RBFOX1: variants seen among roughly 807,000 people sequenced by gnomAD.
RBFOX1 encodes RNA binding protein fox-1 homolog 1.
Under a neutral mutation model 57.7 loss-of-function variants are expected in RBFOX1, and 8 were observed. The ratio of observed to expected loss-of-function variants is 0.14; its 90% CI spans 0.08 to 0.25. The LOEUF (loss-of-function observed/expected upper bound fraction) is 0.25. Among genes scored for constraint, RBFOX1 ranks in the 10% least tolerant of loss-of-function variants. The pLI, the probability that RBFOX1 is intolerant of heterozygous loss-of-function variation, is 1.00. For synonymous variants in RBFOX1, 326 were observed against 222.4 expected, an observed-to-expected ratio of 1.47 and a Z score of -4.15; for missense variants, 611 against 548.5, an observed-to-expected ratio of 1.11 and a Z score of -1.14.
chr16:5,796,421 T>C (rs2054880837), intron 3 of RBFOX1, among the ~76,000 whole-genome samples: 1 of 152,200 alleles, frequency 6.6e-6, no homozygotes, highest in Admixed American at 6.5e-5. Context: ...GTTTGTGATA[T>C]GATCAGTGGC....
At chr16:7,576,431 C>G (rs1477537531) in intron 5 of RBFOX1, among the ~76,000 whole-genome samples, 2 of 152,156 alleles carry the variant, frequency 1.3e-5, no homozygotes, top group Non-Finnish European at 1.5e-5. Context: ...CCTCTACTTC[C>G]TAACACTCTT....
chr16:5,575,669 G>C (rs2046427565), intron 2 of RBFOX1, among the ~76,000 whole-genome samples: 1 of 152,198 alleles, frequency 6.6e-6, no homozygotes, highest in Non-Finnish European at 1.5e-5. Flanking sequence ...TACATTGTGT[G>C]GAGTGTGGAC....
chr16:6,070,361 G>A (rs973718832), intron 1 of RBFOX1, among the ~76,000 whole-genome samples: 1 of 152,172 alleles, frequency 6.6e-6, no homozygotes, highest in Non-Finnish European at 1.5e-5. Context: ...TCCAGTGAGT[G>A]CCTGCATTAT....
At chr16:7,660,688 A>G (rs139163070) in intron 12 of RBFOX1, among the ~76,000 whole-genome samples, 7 of 152,326 alleles carry the variant, frequency 4.6e-5, no homozygotes, top group African/African-American at 9.6e-5. Flanking sequence ...CCTGGGACCA[A>G]TAGCATCCGC....
At chr16:6,456,239 T>C (rs1005191692) in intron 2 of RBFOX1, among the ~76,000 whole-genome samples, 1 of 152,146 alleles carries the variant, frequency 6.6e-6, no homozygotes, top group African/African-American at 2.4e-5. Context: ...GAATTGTGTA[T>C]TTTTAGAAAA....
At chr16:5,360,388 C>G (rs17137899) in intron 1 of RBFOX1, among the ~76,000 whole-genome samples, 25,797 of 152,204 alleles carry the variant, frequency 0.17, 2,520 homozygotes, top group South Asian at 0.21. Context: ...TCTTGAAACT[C>G]AATGTGCACG....
chr16:5,347,266 G>A (rs1475808485), intron 1 of RBFOX1, among the ~76,000 whole-genome samples: 1 of 151,982 alleles, frequency 6.6e-6, no homozygotes, highest in Non-Finnish European at 1.5e-5. Context: ...AGGGATTTTT[G>A]CTTATACATT....
intron 2 of RBFOX1, among the ~76,000 whole-genome samples, chr16:6,353,516 G>A (rs945208927): frequency 1.3e-5 from 2 of 151,918 alleles, no homozygotes; most frequent in Admixed American, 1.3e-4. Flanking sequence ...GCTGGGTTTA[G>A]GCATGGGGAT....
chr16:7,078,400 T>G (rs1276455914), intron 4 of RBFOX1, among the ~76,000 whole-genome samples: 1 of 152,166 alleles, frequency 6.6e-6, no homozygotes, highest in East Asian at 1.9e-4. Flanking sequence ...CAGTCTGGAG[T>G]GCAGTGGCAC....
At chr16:6,951,253 A>G (rs965436765) in intron 3 of RBFOX1, among the ~76,000 whole-genome samples, 4 of 152,104 alleles carry the variant, frequency 2.6e-5, no homozygotes, top group Non-Finnish European at 5.9e-5. Flanking sequence ...TGAGTGAAAG[A>G]AACGTAATAG....
intron 4 of RBFOX1, among the ~76,000 whole-genome samples, chr16:7,293,878 C>A (rs1195819094): frequency 1.3e-5 from 2 of 152,102 alleles, no homozygotes; most frequent in African/African-American, 4.8e-5. Flanking sequence ...TGTCTTTGAC[C>A]TGTGTTCCAG....
intron 2 of RBFOX1, among the ~76,000 whole-genome samples, chr16:6,468,297 G>C (rs1010975626): frequency 3.3e-5 from 5 of 152,122 alleles, no homozygotes; most frequent in African/African-American, 7.2e-5. Context: ...AAGTTACCCA[G>C]ATATGTTGGC....
chr16:6,944,957 C>T (rs2079207587), intron 3 of RBFOX1, among the ~76,000 whole-genome samples: 1 of 152,104 alleles, frequency 6.6e-6, no homozygotes, highest in Non-Finnish European at 1.5e-5. Context: ...TGGCTGACTG[C>T]TGTATGGAGT....
In RBFOX1 at chr16:5,947,570, A is replaced by G. The variant is rs1039910689; in HGVS notation, c.351+80235A>G. Among the ~76,000 whole-genome samples, 3 of 152,116 alleles carry G rather than the reference A, an allele frequency of 2.0e-5. No individual in the cohort carries two copies. Among genetic ancestry groups the G allele is most frequent in the Non-Finnish European group, 4.4e-5 (3 of 68,028 alleles). On this transcript the variant is annotated intron_variant, in intron 4 of 19. Transcript: ENST00000641259. This position sits in a 1 kb window ranked among gnomAD's most constrained non-coding sequence, Gnocchi z 7.2. ...ACTCCTAGCCCCAAGCAATTCTCACATATCAGCCTCCCAAAGTGCTGGGAT... is the reference window on the plus strand; with the variant it reads ...ACTCCTAGCCCCAAGCAATTCTCACGTATCAGCCTCCCAAAGTGCTGGGAT...
chr16:6,876,689 C>T (rs759982833), intron 3 of RBFOX1, among the ~76,000 whole-genome samples: 1 of 151,910 alleles, frequency 6.6e-6, no homozygotes, highest in Non-Finnish European at 1.5e-5. Context: ...TTGGCTGGAA[C>T]CAAAGAAGTT....
At chr16:5,989,563 A>C (rs1382737828) in intron 4 of RBFOX1, among the ~76,000 whole-genome samples, 1 of 152,104 alleles carries the variant, frequency 6.6e-6, no homozygotes, top group Non-Finnish European at 1.5e-5. Flanking sequence ...TGGATTCAGC[A>C]AGGGCTCGCC....
At chr16:7,651,438 C>T (rs1176745623) in intron 11 of RBFOX1, among the ~76,000 whole-genome samples, 1 of 152,206 alleles carries the variant, frequency 6.6e-6, no homozygotes, top group Non-Finnish European at 1.5e-5. Context: ...CCCGTCCAAC[C>T]TCCTTGGTCG....
At chr16:7,443,772 A>G (rs898775278) in intron 4 of RBFOX1, among the ~76,000 whole-genome samples, 7 of 152,174 alleles carry the variant, frequency 4.6e-5, no homozygotes, top group African/African-American at 1.7e-4. Flanking sequence ...CCCAGAAGAG[A>G]TCCGTTGCTC....
intron 1 of RBFOX1, among the ~76,000 whole-genome samples, chr16:5,356,345 G>C (rs2065388537): frequency 6.6e-6 from 1 of 152,192 alleles, no homozygotes; most frequent in African/African-American, 2.4e-5. Flanking sequence ...GTTGTTTTAA[G>C]TCACCGCATT....
Sources: allele counts gnomAD v4.1 joint callset (sites outside exome capture counted in the v4.1 genomes callset), GRCh38; gene constraint gnomAD v4.1.1; non-coding constraint Gnocchi (gnomAD v3.1); transcripts MANE v1.5; gene names NCBI Gene and HGNC (gene_info 2026-07-23, HGNC 2026-07-21).